DLG2: variants seen among roughly 807,000 people sequenced by gnomAD.
The protein encoded by DLG2 is discs large MAGUK scaffold protein 2, also known as disks large homolog 2.
In DLG2, 45 loss-of-function variants were observed where a neutral mutation model predicts 132.5. The ratio of observed to expected loss-of-function variants is 0.34; its 90% confidence interval spans 0.27 to 0.44. DLG2 has a LOEUF of 0.44. Ranked by LOEUF, DLG2 falls within the 20% of genes least tolerant of loss-of-function variation. The pLI, the probability that DLG2 is intolerant of heterozygous loss-of-function variation, is 1.00. For synonymous variants in DLG2, 424 were observed against 419.6 expected, an observed-to-expected ratio of 1.01 and a Z score of -0.13; for missense variants, 1,045 against 1,196.9, an observed-to-expected ratio of 0.87 and a Z score of 1.87.
At chr11:85,373,418 C>T (rs564768622) in intron 3 of DLG2, among the ~76,000 whole-genome samples, 9 of 152,272 alleles carry the variant, frequency 5.9e-5, no homozygotes, top group African/African-American at 2.2e-4. Flanking sequence ...CCCAAAACAG[C>T]GGCCCATGTC....
chr11:84,292,910 CT>C (rs1299788487), intron 7 of DLG2, among the ~76,000 whole-genome samples: 2 of 151,542 alleles, frequency 1.3e-5, no homozygotes, highest in East Asian at 3.9e-4. Flanking sequence ...AGCTAATGAG[CT>C]AAAAAACAAA....
intron 15 of DLG2, among the ~76,000 whole-genome samples, chr11:83,920,047 C>T (rs1436107511): frequency 6.6e-6 from 1 of 152,136 alleles, no homozygotes; most frequent in Admixed American, 6.6e-5. Context: ...GTTCACCATG[C>T]CACAGACCCT....
rs61899216 is a variant in DLG2 at position 84,341,524 on chromosome 11, G to A, written c.520-90233C>T. Reference sequence around the variant, plus strand: ...TAAAAAATGGCACTCCCTCCCCAGAGATTATGATTTAATTATTCTAGAGAT... The same window carrying A: ...TAAAAAATGGCACTCCCTCCCCAGAAATTATGATTTAATTATTCTAGAGAT... On this transcript the variant is annotated intron_variant, in intron 7 of 27. Coordinates refer to ENST00000376104, the MANE Select transcript of DLG2 (RefSeq NM_001142699.3). Among the ~76,000 whole-genome samples, 939 of 152,322 alleles carry A rather than the reference G, an allele frequency of 6.2e-3. 6 individuals are homozygous for A. The highest frequency in any genetic ancestry group is 0.014 in the Middle Eastern group (4 of 294).
chr11:84,310,895 C>A (rs1038965715), intron 7 of DLG2, among the ~76,000 whole-genome samples: 1 of 152,152 alleles, frequency 6.6e-6, no homozygotes, highest in Admixed American at 6.5e-5. Context: ...GGAGTTGCTG[C>A]AAAGGAACTA....
intron 6 of DLG2, among the ~76,000 whole-genome samples, chr11:84,899,296 CT>C (rs1235518710): frequency 6.6e-6 from 1 of 152,068 alleles, no homozygotes; most frequent in African/African-American, 2.4e-5. Flanking sequence ...AAAGTTTGAT[CT>C]GCTATGGTTG....
At position 85,464,886 on chromosome 11, in the gene DLG2, A is replaced by AC. The variant is rs1303542218; in HGVS notation, c.40+133770_40+133771insG. Among the ~76,000 whole-genome samples the AC allele has an allele frequency of 7.9e-5, 12 of 151,598 alleles. No individual in the cohort carries two copies. In the East Asian group the frequency reaches 2.3e-3, roughly 30 times the overall value. ...CCAGGAGTTTGAGACCAGCCTGGCCAACATGGTGACACCCCGTCTCTACTA... is the reference window on the plus strand; with the variant it reads ...CCAGGAGTTTGAGACCAGCCTGGCCACACATGGTGACACCCCGTCTCTACTA... On this transcript the variant is annotated intron_variant, in intron 3 of 27. Transcript: ENST00000376104.
intron 7 of DLG2, among the ~76,000 whole-genome samples, chr11:84,288,756 A>T (rs566127453): frequency 6.6e-6 from 1 of 152,274 alleles, no homozygotes; most frequent in South Asian, 2.1e-4. Context: ...CTTCCAAAGC[A>T]CCATAGTCAC....
intron 19 of DLG2, among the ~76,000 whole-genome samples, chr11:83,549,894 T>C (rs773025523): frequency 4.6e-5 from 7 of 152,164 alleles, no homozygotes; most frequent in South Asian, 4.1e-4. Context: ...TTAACCTCTA[T>C]GGGCTTCAGC....
chr11:83,611,669 G>A (rs559389013), intron 19 of DLG2, among the ~76,000 whole-genome samples: 1 of 152,278 alleles, frequency 6.6e-6, no homozygotes, highest in Non-Finnish European at 1.5e-5. Flanking sequence ...GAAATTCACT[G>A]AATGGTACTG....
At chr11:84,657,770 C>T (rs2099689976) in intron 6 of DLG2, among the ~76,000 whole-genome samples, 2 of 152,170 alleles carry the variant, frequency 1.3e-5, no homozygotes, top group African/African-American at 4.8e-5. Flanking sequence ...CAGGCCAGTA[C>T]CATTAGGCCA....
chr11:84,044,992 A>C (rs1295037410), intron 11 of DLG2, among the ~76,000 whole-genome samples: 2 of 151,728 alleles, frequency 1.3e-5, no homozygotes, highest in African/African-American at 4.8e-5. Flanking sequence ...TTGTCACTGT[A>C]GGCAAAATTT....
intron 3 of DLG2, among the ~76,000 whole-genome samples, chr11:85,481,254 T>C (rs2093281782): frequency 6.6e-6 from 1 of 152,212 alleles, no homozygotes; most frequent in Middle Eastern, 3.4e-3. Flanking sequence ...ATCAGTACAG[T>C]AGAAATTAAG....
chr11:84,103,448 C>T (rs80004183), intron 9 of DLG2, among the ~76,000 whole-genome samples: 12 of 152,122 alleles, frequency 7.9e-5, no homozygotes, highest in East Asian at 7.7e-4. Flanking sequence ...ACTAATTAAC[C>T]GAGTGTTGAT....
intron 7 of DLG2, among the ~76,000 whole-genome samples, chr11:84,439,911 C>G (rs7926405): frequency 0.018 from 2,716 of 152,292 alleles, 66 homozygotes; most frequent in African/African-American, 0.051. Flanking sequence ...TTTCAAACCA[C>G]TGATATCATA....
At chr11:84,569,994 T>C (rs1397611573) in intron 6 of DLG2, among the ~76,000 whole-genome samples, 5 of 152,208 alleles carry the variant, frequency 3.3e-5, no homozygotes, top group Admixed American at 3.3e-4. Flanking sequence ...TTCTCAGTTA[T>C]GGGTGAGGTG....
chr11:85,091,675 A>G (rs2068803861), intron 6 of DLG2, among the ~76,000 whole-genome samples: 1 of 152,252 alleles, frequency 6.6e-6, no homozygotes, highest in Non-Finnish European at 1.5e-5. Context: ...CTTTAGAAGT[A>G]AATTTTGTCT....
chr11:83,511,313 A>C (rs2095023426), intron 21 of DLG2, among the ~76,000 whole-genome samples: 4 of 152,188 alleles, frequency 2.6e-5, no homozygotes, highest in Non-Finnish European at 5.9e-5. Flanking sequence ...TGCCATTCAC[A>C]TAACAATTGC....
rs570025424 is a variant in DLG2 at position 84,416,074 on chromosome 11, C to A, written c.519+118496G>T. Among the ~76,000 whole-genome samples, 13 of 152,222 alleles carry A rather than the reference C, an allele frequency of 8.5e-5. No homozygotes were observed. The South Asian group carries it at 2.7e-3, about 32-fold the overall frequency. Reference sequence around the variant, plus strand: ...AATCTCAAATTCTAAATGTGTAGAACCTAAAACATCAAAAGATTAATAAAA... The same window carrying A: ...AATCTCAAATTCTAAATGTGTAGAAACTAAAACATCAAAAGATTAATAAAA... On this transcript the variant is annotated intron_variant, in intron 7 of 27. Transcript: ENST00000376104.
chr11:85,371,168 A>G (rs2084945351), intron 3 of DLG2, among the ~76,000 whole-genome samples: 1 of 152,210 alleles, frequency 6.6e-6, no homozygotes, highest in Admixed American at 6.5e-5. Flanking sequence ...TGACATTGGA[A>G]TACAGGAACA....
Sources: gnomAD v4.1 joint callset for allele counts (sites outside exome capture counted in the v4.1 genomes callset) on GRCh38, gnomAD v4.1.1 for gene constraint, MANE v1.5 for transcripts, NCBI Gene and HGNC (gene_info 2026-07-23, HGNC 2026-07-21) for gene names.